GALNT11: variants seen among roughly 807,000 people sequenced by gnomAD.
GALNT11 encodes polypeptide N-acetylgalactosaminyltransferase 11.
Under a neutral mutation model 72.7 loss-of-function variants are expected in GALNT11, and 47 were observed. The ratio of observed to expected loss-of-function variants is 0.65; its 90% CI spans 0.51 to 0.82. GALNT11 has a LOEUF of 0.82. Among genes scored for constraint, GALNT11 ranks in the 40% least tolerant of loss-of-function variants. The pLI is 0.00. For missense variants in GALNT11, 677 were observed against 778.4 expected (o/e 0.87, Z 1.55); for synonymous variants, 270 against 286.6 (o/e 0.94, Z 0.58).
intron 9 of GALNT11, 38 bp downstream of exon 9, chr7:152,117,413 C>T (rs544141804): frequency 6.2e-6 from 10 of 1,601,336 alleles, no homozygotes; most frequent in African/African-American, 4.0e-5. Context: ...TTATGAAAAG[C>T]GTTTGATATG....
intron 1 of GALNT11, among the ~76,000 whole-genome samples, chr7:152,028,392 G>A (rs918637731): frequency 4.6e-5 from 7 of 151,824 alleles, no homozygotes; most frequent in East Asian, 1.9e-4. Context: ...GACACAGAGC[G>A]CTGATTGGTG....
chr7:152,069,702 C>T (rs548390173), intron 1 of GALNT11, among the ~76,000 whole-genome samples: 1 of 152,262 alleles, frequency 6.6e-6, no homozygotes, highest in Admixed American at 6.5e-5. Context: ...TCTGTTTTGT[C>T]TGCAGTTACA....
intron 1 of GALNT11, among the ~76,000 whole-genome samples, chr7:152,043,502 A>C (rs2082969312): frequency 6.6e-6 from 1 of 152,196 alleles, no homozygotes. Flanking sequence ...TTAAAAGGAA[A>C]AGGCTCAAAT....
intron 1 of GALNT11, among the ~76,000 whole-genome samples, chr7:152,033,970 C>G (rs1362436609): frequency 1.3e-5 from 2 of 152,156 alleles, no homozygotes; most frequent in Non-Finnish European, 2.9e-5. Flanking sequence ...GAAGGTTTGC[C>G]CTAGACCATG....
chr7:152,035,807 A>G (rs2082546290), intron 1 of GALNT11, among the ~76,000 whole-genome samples: 1 of 152,236 alleles, frequency 6.6e-6, no homozygotes, highest in Admixed American at 6.5e-5. Flanking sequence ...GAAAGGGGTC[A>G]GATGGTACTC....
At chr7:152,057,602 C>T (rs921780103) in intron 1 of GALNT11, among the ~76,000 whole-genome samples, 5 of 152,074 alleles carry the variant, frequency 3.3e-5, no homozygotes, top group African/African-American at 7.2e-5. Flanking sequence ...CCACCGTGCC[C>T]GGCCAGAATT....
Position 152,058,490 on chromosome 7 carries a change from T to A in GALNT11, c.-39+32606T>A, listed in dbSNP as rs922397784. Among the ~76,000 whole-genome samples the A allele has an allele frequency of 2.1e-4, 32 of 152,018 alleles. 1 individual carries two copies. Among genetic ancestry groups the A allele is most frequent in the Admixed American group, 2.0e-3 (30 of 15,246 alleles). On this transcript the variant is annotated intron_variant, in intron 1 of 11. Coordinates refer to ENST00000430044, the MANE Select transcript of GALNT11 (RefSeq NM_022087.4). Reference sequence around the variant, plus strand: ...CTGGGACTACAGGCATGCGTCACCATACCCGGCTAATTTTTTTGTATTTTT... The same window carrying A: ...CTGGGACTACAGGCATGCGTCACCAAACCCGGCTAATTTTTTTGTATTTTT...
chr7:152,098,052 T>C (rs181374614), intron 2 of GALNT11, among the ~76,000 whole-genome samples: 2 of 152,270 alleles, frequency 1.3e-5, no homozygotes, highest in African/African-American at 4.8e-5. Context: ...ATAAATTTAA[T>C]ATAGAAGGAA....
At chr7:152,110,462 T>C in intron 6 of GALNT11, 66 bp from the exon 7 acceptor site, 1 of 1,136,660 alleles carries the variant, frequency 8.8e-7, no homozygotes, top group East Asian at 2.4e-5. Context: ...CTGAGTATTT[T>C]AAACAAAAGT....
At chr7:152,043,758 G>C (rs1262497699) in intron 1 of GALNT11, among the ~76,000 whole-genome samples, 3 of 152,138 alleles carry the variant, frequency 2.0e-5, no homozygotes, top group Non-Finnish European at 2.9e-5. Context: ...CAGAAGGGTA[G>C]GGATGAACCT....
intron 1 of GALNT11, among the ~76,000 whole-genome samples, chr7:152,040,420 T>C (rs1391577417): frequency 6.6e-6 from 1 of 152,216 alleles, no homozygotes; most frequent in Non-Finnish European, 1.5e-5. Flanking sequence ...ATAATAGCTT[T>C]AGCTTCTTTC....
chr7:152,073,020 T>A (rs1251585117), intron 1 of GALNT11, among the ~76,000 whole-genome samples: 2 of 152,232 alleles, frequency 1.3e-5, no homozygotes, highest in Non-Finnish European at 2.9e-5. Flanking sequence ...TTTATTTTAT[T>A]TTTCAATTGG....
intron 1 of GALNT11, among the ~76,000 whole-genome samples, chr7:152,056,563 G>A (rs2083688990): frequency 6.6e-6 from 1 of 152,186 alleles, no homozygotes; most frequent in Admixed American, 6.5e-5. Flanking sequence ...GTCCATGTGA[G>A]CATTCCCTTA....
In GALNT11 at chr7:152,110,498, G is replaced by C. The variant is rs185308008; in HGVS notation, c.963-30G>C. The stretch of plus-strand genomic sequence containing the variant: ...AGTAGGTAAGATAACTGACTATAAG[G>C]AATGAGTACAGTAATTTTCCTTTTT... On this transcript the variant is annotated intron_variant, in intron 6 of 11. Coordinates refer to ENST00000430044, the MANE Select transcript of GALNT11 (RefSeq NM_022087.4). 25 of 1,505,222 alleles carry C rather than the reference G, an allele frequency of 1.7e-5. No homozygotes were observed. In the Middle Eastern group the frequency reaches 1.0e-3, roughly 61 times the overall value. The allele number at this position is 1,505,222 out of a possible 1,614,324, so 93.2% of individuals were successfully genotyped here.
At chr7:152,070,025 C>T (rs1477739957) in intron 1 of GALNT11, among the ~76,000 whole-genome samples, 1 of 142,146 alleles carries the variant, frequency 7.0e-6, no homozygotes, top group East Asian at 2.1e-4. Context: ...GAGACAGAGT[C>T]TCCCTCTGTT....
intron 1 of GALNT11, among the ~76,000 whole-genome samples, chr7:152,045,260 G>A (rs899481658): frequency 4.6e-5 from 7 of 151,980 alleles, no homozygotes; most frequent in African/African-American, 1.7e-4. Flanking sequence ...TTTTTGATGT[G>A]TCTTTGTCTG....
chr7:152,108,412 A>G, intron 6 of GALNT11, 125 bp downstream of exon 6: 1 of 1,408,352 alleles, frequency 7.1e-7, no homozygotes, highest in Non-Finnish European at 9.5e-7. Context: ...TTGTACGTTA[A>G]AAATTCTTGA....
chr7:152,045,564 A>G (rs1441642935), intron 1 of GALNT11, among the ~76,000 whole-genome samples: 2 of 152,012 alleles, frequency 1.3e-5, no homozygotes, highest in African/African-American at 4.8e-5. Context: ...TTTCCAATTT[A>G]TTGGCATATA....
At chr7:152,055,536 T>C (rs1587037285) in intron 1 of GALNT11, among the ~76,000 whole-genome samples, 1 of 146,846 alleles carries the variant, frequency 6.8e-6, no homozygotes, top group Non-Finnish European at 1.5e-5. Flanking sequence ...TGTGTGTGTG[T>C]GTGTGTGTGT....
Sources: allele counts gnomAD v4.1 joint callset (sites outside exome capture counted in the v4.1 genomes callset), GRCh38; gene constraint gnomAD v4.1.1; transcripts MANE v1.5; gene names NCBI Gene and HGNC (gene_info 2026-07-23, HGNC 2026-07-21).